Variants in KCNIP4 observed in about 807,000 individuals in gnomAD.
KCNIP4 encodes Kv channel-interacting protein 4.
A neutral mutation model predicts 34.0 loss-of-function variants in KCNIP4; 12 were observed. The ratio of observed to expected loss-of-function variants is 0.35; its 90% CI spans 0.23 to 0.57. The LOEUF is 0.57. Ranked by LOEUF, KCNIP4 falls within the 20% of genes least tolerant of loss-of-function variation. The probability of loss-of-function intolerance (pLI) is 0.83; values close to 1 mark genes in which losing one functional copy is unlikely to be tolerated. For synonymous variants in KCNIP4, 124 were observed against 102.2 expected, an observed-to-expected ratio of 1.21 and a Z score of -1.29; for missense variants, 238 against 311.7, an observed-to-expected ratio of 0.76 and a Z score of 1.78.
chr4:21,526,789 A>G (rs1273058996), intron 1 of KCNIP4, among the ~76,000 whole-genome samples: 1 of 152,168 alleles, frequency 6.6e-6, no homozygotes, highest in Non-Finnish European at 1.5e-5. Flanking sequence ...TTAAGGAAAT[A>G]TTATTAAAGA....
intron 5 of KCNIP4, among the ~76,000 whole-genome samples, chr4:20,735,208 G>A (rs1375342576): frequency 2.0e-5 from 3 of 152,204 alleles, no homozygotes; most frequent in Non-Finnish European, 4.4e-5. Context: ...CATGTGGACA[G>A]TGGGTAAGAG....
chr4:21,836,021 A>G (rs1182258156), intron 1 of KCNIP4, among the ~76,000 whole-genome samples: 2 of 152,220 alleles, frequency 1.3e-5, no homozygotes, highest in Non-Finnish European at 2.9e-5. Flanking sequence ...GTAAAAGTAT[A>G]AGAAAAAACA....
intron 1 of KCNIP4, among the ~76,000 whole-genome samples, chr4:21,913,529 T>C (rs915532381): frequency 6.6e-5 from 10 of 152,050 alleles, no homozygotes; most frequent in African/African-American, 2.4e-4. Flanking sequence ...CTGTGAGAAA[T>C]AAATTTCTGT....
In KCNIP4 at chr4:21,431,227, A is replaced by G. The variant is rs144775962; in HGVS notation, c.61+517344T>C. ...TGTGTCTATGAAGATACATAAGAAC[A>G]TCAAAGAGGACCATGAAAAATTCAG... On this transcript the variant is annotated intron_variant, in intron 1 of 8. Coordinates refer to ENST00000382152, the MANE Select transcript of KCNIP4 (RefSeq NM_025221.6). Among the ~76,000 whole-genome samples the G allele has an allele frequency of 3.9e-5, 6 of 152,248 alleles. No homozygotes were observed. In the East Asian group the frequency reaches 1.2e-3, roughly 29 times the overall value.
chr4:21,574,439 G>C (rs1031721902), intron 1 of KCNIP4, among the ~76,000 whole-genome samples: 6 of 151,894 alleles, frequency 4.0e-5, no homozygotes, highest in Admixed American at 2.0e-4. Context: ...ATATATGGCA[G>C]GTTTAATCAA....
Position 21,342,129 on chromosome 4 carries a change from A to G in KCNIP4, c.62-459420T>C, listed in dbSNP as rs150436168. ...CAAAGCTCATGCTTCCCCCTGCATAAGCTAGCTAAGACAAGGCACGGGGTA... is the reference window on the plus strand; with the variant it reads ...CAAAGCTCATGCTTCCCCCTGCATAGGCTAGCTAAGACAAGGCACGGGGTA... On this transcript the variant is annotated intron_variant, in intron 1 of 8. Transcript: ENST00000382152. Among the ~76,000 whole-genome samples the G allele has an allele frequency of 1.4e-3, 211 of 152,246 alleles. 1 individual carries two copies. Among genetic ancestry groups the G allele is most frequent in the African/African-American group, 4.9e-3 (204 of 41,560 alleles).
intron 1 of KCNIP4, among the ~76,000 whole-genome samples, chr4:21,567,387 A>G (rs1460472): frequency 0.45 from 68,291 of 151,774 alleles, 15,420 homozygotes; most frequent in East Asian, 0.57. Context: ...CTAGACTTAT[A>G]TGGAAGGGGG....
chr4:21,948,063 A>C (rs887988056), intron 1 of KCNIP4, among the ~76,000 whole-genome samples: 1 of 152,250 alleles, frequency 6.6e-6, no homozygotes, highest in African/African-American at 2.4e-5. Flanking sequence ...AAAACAAGCC[A>C]TACGCTCCTG....
chr4:21,482,364 C>G (rs1731503796), intron 1 of KCNIP4, among the ~76,000 whole-genome samples: 1 of 152,072 alleles, frequency 6.6e-6, no homozygotes, highest in African/African-American at 2.4e-5. Flanking sequence ...ATGATATTAG[C>G]AGGTTATTTT....
intron 1 of KCNIP4, among the ~76,000 whole-genome samples, chr4:21,772,013 G>T (rs546353665): frequency 6.6e-6 from 1 of 152,158 alleles, no homozygotes; most frequent in Non-Finnish European, 1.5e-5. Flanking sequence ...CTTTCAAAGG[G>T]AATGCCTCCA....
chr4:21,156,740 C>A (rs562886391), intron 1 of KCNIP4, among the ~76,000 whole-genome samples: 100 of 152,102 alleles, frequency 6.6e-4, no homozygotes, highest in African/African-American at 2.3e-3. Flanking sequence ...ATATCATCAT[C>A]TTTTTATATA....
chr4:21,674,843 C>A (rs963442024), intron 1 of KCNIP4, among the ~76,000 whole-genome samples: 2 of 151,918 alleles, frequency 1.3e-5, no homozygotes, highest in African/African-American at 4.8e-5. Flanking sequence ...CCTGAGTAAC[C>A]TTTGGGTCAG....
chr4:21,413,506 A>G (rs1724686728), intron 1 of KCNIP4, among the ~76,000 whole-genome samples: 1 of 152,240 alleles, frequency 6.6e-6, no homozygotes, highest in South Asian at 2.1e-4. Flanking sequence ...AAATCTCTAC[A>G]GGCAGGTCAG....
chr4:21,732,571 G>A (rs1317958274), intron 1 of KCNIP4, among the ~76,000 whole-genome samples: 1 of 152,114 alleles, frequency 6.6e-6, no homozygotes, highest in Non-Finnish European at 1.5e-5. Context: ...GAGTTGCACA[G>A]CCACAACTTG....
intron 1 of KCNIP4, chr4:21,464,581 T>A (rs1164980814): frequency 6.6e-6 from 1 of 152,140 alleles, no homozygotes; most frequent in Non-Finnish European, 1.5e-5. Context: ...TAAAAATTTA[T>A]TCAGACTTGT....
chr4:21,408,584 A>G (rs945159201), intron 1 of KCNIP4, among the ~76,000 whole-genome samples: 23 of 152,320 alleles, frequency 1.5e-4, no homozygotes, highest in Non-Finnish European at 3.1e-4. Context: ...AATTGTTTTC[A>G]GTGCAATTGT....
chr4:20,969,863 G>C (rs975542788), intron 1 of KCNIP4, among the ~76,000 whole-genome samples: 1 of 151,458 alleles, frequency 6.6e-6, no homozygotes, highest in Non-Finnish European at 1.5e-5. Context: ...AAATTTTATA[G>C]TAATACAATA....
intron 1 of KCNIP4, among the ~76,000 whole-genome samples, chr4:21,812,043 T>G (rs1195894412): frequency 6.6e-6 from 1 of 152,222 alleles, no homozygotes. Context: ...AATTCATACA[T>G]GTTTGGCTCA....
chr4:21,551,433 A>G (rs977637126), intron 1 of KCNIP4, among the ~76,000 whole-genome samples: 6 of 152,114 alleles, frequency 3.9e-5, no homozygotes, highest in African/African-American at 1.4e-4. Flanking sequence ...CTACAATACT[A>G]GAAACTTTCC....
Sources: allele counts gnomAD v4.1 joint callset (sites outside exome capture counted in the v4.1 genomes callset), GRCh38; gene constraint gnomAD v4.1.1; transcripts MANE v1.5; gene names NCBI Gene and HGNC (gene_info 2026-07-23, HGNC 2026-07-21).